The following WWP1 variants were observed in gnomAD, a reference collection of about 807,000 sequenced individuals.
The protein encoded by WWP1 is WW domain containing E3 ubiquitin protein ligase 1.
In WWP1, 49 loss-of-function variants were observed where a neutral mutation model predicts 130.6. The ratio of observed to expected loss-of-function variants is 0.38; its 90% CI spans 0.30 to 0.48. WWP1 has a LOEUF of 0.48. Ranked by LOEUF, WWP1 falls within the 20% of genes least tolerant of loss-of-function variation. WWP1 has a pLI of 0.99. For synonymous variants in WWP1, 332 were observed against 367.8 expected (o/e 0.90, Z 1.11); for missense variants, 809 against 1,100.6 (o/e 0.74, Z 3.75).
intron 9 of WWP1, among the ~76,000 whole-genome samples, chr8:86,413,795 T>G (rs1808719093): frequency 6.6e-6 from 1 of 152,104 alleles, no homozygotes; most frequent in Admixed American, 6.6e-5. Flanking sequence ...GGTTTGGAAG[T>G]TTTTTCTGAA....
In WWP1 at chr8:86,467,468, C is replaced by G. The variant is rs184184991; in HGVS notation, c.*575C>G. On this transcript the variant is annotated 3_prime_UTR_variant, in exon 25 of 25. Coordinates refer to ENST00000517970, the MANE Select transcript of WWP1 (RefSeq NM_007013.4). ...CTTGTCAGTTTGTTTTAAATAAATA[C>G]AATAGTTGAAAATTTTTCTCTGTTA... 6.6e-6 allele frequency: 1 copy of G among 151,420 alleles called. No individual in the cohort carries two copies. Among genetic ancestry groups the G allele is most frequent in the African/African-American group, 2.4e-5 (1 of 41,112 alleles). The allele number at this position is 151,420 out of a possible 1,614,324, so 9.4% of individuals were successfully genotyped here.
intron 24 of WWP1, among the ~76,000 whole-genome samples, chr8:86,465,813 G>A (rs1266713957): frequency 2.0e-5 from 3 of 152,088 alleles, no homozygotes; most frequent in Non-Finnish European, 2.9e-5. Context: ...GGCAGTATAT[G>A]GTCTGCTTAG....
Position 86,384,635 on chromosome 8 carries a change from C to CT in WWP1, c.334+3007dup, listed in dbSNP as rs74355155. ...AGTCTCTTGGTTTAGTACTTGGACTCTGAGTTTTAGTTGGCTATCAGTTGA... is the reference window on the plus strand; with the variant it reads ...AGTCTCTTGGTTTAGTACTTGGACTCTTGAGTTTTAGTTGGCTATCAGTTGA... On this transcript the variant is annotated intron_variant, in intron 5 of 24. Coordinates refer to ENST00000517970, the MANE Select transcript of WWP1 (RefSeq NM_007013.4). Among the ~76,000 whole-genome samples the CT allele has an allele frequency of 1.8e-4, 27 of 152,230 alleles. No homozygotes were observed. The East Asian group carries it at 5.0e-3, about 28-fold the overall frequency.
At position 86,461,318 on chromosome 8, in the gene WWP1, T is replaced by G; in HGVS notation, c.2594T>G (p.Met865Arg). The G allele has an allele frequency of 6.2e-7, 1 of 1,612,796 alleles. No homozygotes were observed. The highest frequency in any genetic ancestry group is 8.5e-7 in the Non-Finnish European group (1 of 1,178,828). The change falls in exon 23 of 25, where the codon ATG (methionine) becomes AGG (arginine). Residue 865 changes from methionine to arginine, a missense_variant and splice_region_variant. Coordinates refer to ENST00000517970, the MANE Select transcript of WWP1 (RefSeq NM_007013.4). ...CCTCTAGGAGGATTTGCTGAGCTCA[T>G]GGGTAAATGTAATTTCACTGTAATT... is the stretch of plus-strand genomic sequence containing the variant. The part of the protein sequence containing the change: ...RLPLGGFAEL[M>R]GSNGPQKFCI...
chr8:86,406,424 T>C (rs919142852), intron 8 of WWP1, among the ~76,000 whole-genome samples: 7 of 152,178 alleles, frequency 4.6e-5, no homozygotes, highest in Admixed American at 1.3e-4. Flanking sequence ...TATGGTGAGT[T>C]TCAGACAGAA....
In WWP1 at chr8:86,394,366, C is replaced by T. The variant is rs139717712; in HGVS notation, c.335-3976C>T. On this transcript the variant is annotated intron_variant, in intron 5 of 24. Coordinates refer to ENST00000517970, the MANE Select transcript of WWP1 (RefSeq NM_007013.4). ...TTCTGCCTTACAAGAGTAAGTTCCCCTAGGACAGGACTACCTTAATCACTT... is the reference window on the plus strand; with the variant it reads ...TTCTGCCTTACAAGAGTAAGTTCCCTTAGGACAGGACTACCTTAATCACTT... Among the ~76,000 whole-genome samples the T allele has an allele frequency of 3.7e-4, 57 of 152,318 alleles. 1 individual carries two copies. Among genetic ancestry groups the T allele is most frequent in the African/African-American group, 1.3e-3 (55 of 41,572 alleles).
intron 1 of WWP1, among the ~76,000 whole-genome samples, chr8:86,349,412 A>G (rs1238526851): frequency 1.3e-5 from 2 of 152,266 alleles, no homozygotes; most frequent in Non-Finnish European, 2.9e-5. Context: ...AATCTAGCCC[A>G]GGTTCAAGGG....
intron 9 of WWP1, chr8:86,417,343 C>T (rs1808944373): frequency 6.6e-6 from 1 of 152,148 alleles, no homozygotes; most frequent in Admixed American, 6.5e-5. Context: ...TATTTACCGT[C>T]TGGCTCTTTG....
chr8:86,444,726 T>G (rs566551253), intron 18 of WWP1, among the ~76,000 whole-genome samples: 58 of 152,216 alleles, frequency 3.8e-4, no homozygotes, highest in African/African-American at 1.3e-3. Flanking sequence ...GTGGAAAGAC[T>G]GATGGGAGTA....
chr8:86,448,560 A>G (rs1483451467), intron 20 of WWP1, 47 bp downstream of exon 20: 1 of 1,565,784 alleles, frequency 6.4e-7, no homozygotes, highest in Non-Finnish European at 8.7e-7. Flanking sequence ...ACACTTCAGA[A>G]CTAAATCCTC....
intron 14 of WWP1, among the ~76,000 whole-genome samples, chr8:86,433,060 C>T (rs1158301922): frequency 6.6e-6 from 1 of 152,144 alleles, no homozygotes; most frequent in Non-Finnish European, 1.5e-5. Flanking sequence ...ATTGTTAATC[C>T]AGGCGTTGGT....
At chr8:86,373,258 A>AT (rs1391243651) in intron 2 of WWP1, among the ~76,000 whole-genome samples, 2 of 151,494 alleles carry the variant, frequency 1.3e-5, no homozygotes, top group Non-Finnish European at 2.9e-5. Context: ...ATTTCAGTGT[A>AT]TTTTTTTTGT....
At chr8:86,463,827 G>A (rs960935232) in intron 24 of WWP1, among the ~76,000 whole-genome samples, 10 of 152,098 alleles carry the variant, frequency 6.6e-5, no homozygotes, top group African/African-American at 2.2e-4. Flanking sequence ...TTGGAAGGCC[G>A]AGGTGGGAGG....
At chr8:86,421,792 C>G (rs1478730523) in intron 9 of WWP1, among the ~76,000 whole-genome samples, 1 of 151,896 alleles carries the variant, frequency 6.6e-6, no homozygotes, top group Non-Finnish European at 1.5e-5. Flanking sequence ...CACTGCATTC[C>G]AGCCTGGGGG....
chr8:86,413,370 A>C (rs1808696405), intron 9 of WWP1, among the ~76,000 whole-genome samples: 1 of 152,026 alleles, frequency 6.6e-6, no homozygotes, highest in Non-Finnish European at 1.5e-5. Flanking sequence ...ACTGTCAAGA[A>C]CCTCATCGTC....
chr8:86,381,513 C>T lies in WWP1; in HGVS notation c.218C>T (p.Thr73Met), dbSNP rs1824987539. Reference protein sequence around the residue: ...KWDEQLTVNVTPQTTLEFQVW... With the variant: ...KWDEQLTVNVMPQTTLEFQVW... ...TAATTTTACCCTTCCAGAAATGTTACGCCACAGACTACATTGGAATTTCAA... is the reference window on the plus strand; with the variant it reads ...TAATTTTACCCTTCCAGAAATGTTATGCCACAGACTACATTGGAATTTCAA... Residue 73 changes from threonine to methionine, a missense_variant, in exon 5 of 25, where the codon ACG (threonine) becomes ATG (methionine). Physicochemically the swap from Thr to Met is moderately conservative, Grantham distance 81. This residue lies in a region of WWP1 where 262 missense variants were observed against 346.0 expected (regional missense o/e 0.76). Coordinates refer to ENST00000517970, the MANE Select transcript of WWP1 (RefSeq NM_007013.4). 4 of 1,603,248 alleles carry T rather than the reference C, an allele frequency of 2.5e-6. No homozygotes were observed. Among genetic ancestry groups the T allele is most frequent in the African/African-American group, 1.3e-5 (1 of 74,398 alleles).
At chr8:86,354,595 A>T (rs1823148097) in intron 1 of WWP1, among the ~76,000 whole-genome samples, 1 of 152,224 alleles carries the variant, frequency 6.6e-6, no homozygotes. Context: ...ATTTGTAAAT[A>T]GTGAATTAAC....
intron 1 of WWP1, among the ~76,000 whole-genome samples, chr8:86,357,172 A>G (rs1563460816): frequency 6.6e-6 from 1 of 152,184 alleles, no homozygotes; most frequent in Non-Finnish European, 1.5e-5. Flanking sequence ...AAAATTATCA[A>G]TATGTTCTAT....
In WWP1 at chr8:86,468,025, G is replaced by C. The variant is rs1278498406; in HGVS notation, c.*1132G>C. On this transcript the variant is annotated 3_prime_UTR_variant, in exon 25 of 25. Transcript: ENST00000517970. ...CACTTTTTAATTGTTTTTCATCATA[G>C]GGGCCTTTGCTGAACTACAAAAATG... 5 of 154,358 alleles carry C rather than the reference G, an allele frequency of 3.2e-5. No homozygotes were observed. The highest frequency in any genetic ancestry group is 2.9e-5 in the Non-Finnish European group (2 of 69,634). 9.6% of individuals were successfully genotyped at this position (154,358 alleles called of 1,614,324 possible).
Sources: allele counts gnomAD v4.1 joint callset (sites outside exome capture counted in the v4.1 genomes callset), GRCh38; gene constraint gnomAD v4.1.1; regional missense constraint gnomAD v4.1.1; transcripts MANE v1.5; gene names NCBI Gene and HGNC (gene_info 2026-07-23, HGNC 2026-07-21).